SDK2: variants seen among roughly 807,000 people sequenced by gnomAD.
SDK2 encodes the protein protein sidekick-2.
A neutral mutation model predicts 253.9 loss-of-function variants in SDK2; 105 were observed. That is an observed-to-expected ratio of 0.41 (90% CI 0.35 to 0.49). The LOEUF (loss-of-function observed/expected upper bound fraction) is 0.49, where lower values mean the gene tolerates loss of function less well. SDK2 is among the 20% of genes least tolerant of loss of function. SDK2 has a pLI of 0.06. For missense variants in SDK2, 2,608 were observed against 3,003.0 expected (o/e 0.87, Z 3.07); for synonymous variants, 1,249 against 1,234.9 (o/e 1.01, Z -0.24).
At position 73,352,599 on chromosome 17, in the gene SDK2, T is replaced by G. The variant is rs866286253; in HGVS notation, c.5632A>C (p.Lys1878Gln). ...LWDILIKDIP[K>Q]EVSSYTFSMD... ...CTGAACGTGTAGGAGCTCACCTCCT[T>G]GGGGATGTCTTTGATGAGGATGTCC... The change falls in exon 41 of 45, where the codon AAG (lysine) becomes CAG (glutamine). Residue 1878 changes from lysine to glutamine, a missense_variant. Around this residue, in one of 2 missense-constraint regions of SDK2, gnomAD observed 1,103 missense variants for 1,143.9 expected, o/e 0.96. Transcript: ENST00000392650. The surrounding 1 kb of genome is among the most constrained non-coding windows in gnomAD (Gnocchi z 4.1). 1.9e-6 allele frequency: 3 copies of G among 1,613,932 alleles called. No homozygotes were observed. The highest frequency in any genetic ancestry group is 1.3e-5 in the African/African-American group (1 of 75,028).
At chr17:73,537,870 G>A (rs892654359) in intron 1 of SDK2, among the ~76,000 whole-genome samples, 1 of 152,082 alleles carries the variant, frequency 6.6e-6, no homozygotes, top group Admixed American at 6.5e-5. Context: ...AAATGACACC[G>A]CGGGAAAAAT....
chr17:73,408,046 C>CTTTTTTTTT lies in SDK2; in HGVS notation c.2485-5906_2485-5905insAAAAAAAAA, dbSNP rs373774628. 9.0e-4 allele frequency among the ~76,000 whole-genome samples: 46 copies of CTTTTTTTTT among 50,960 alleles called. 4 individuals carry two copies. Among genetic ancestry groups the CTTTTTTTTT allele is most frequent in the East Asian group, 1.7e-3 (5 of 2,976 alleles). The allele number at this position is 50,960 out of a possible 152,430, so 33.4% of individuals were successfully genotyped here. On this transcript the variant is annotated intron_variant, in intron 18 of 44. Transcript: ENST00000392650. ...ACACCATCTAGGAAGTAAAATATTT[C>CTTTTTTTTT]CTTTTTTTTTTTTTTTTTCTTTTGA...
At chr17:73,427,512 C>A (rs1262511937) in intron 12 of SDK2, among the ~76,000 whole-genome samples, 1 of 152,068 alleles carries the variant, frequency 6.6e-6, no homozygotes, top group Non-Finnish European at 1.5e-5. Context: ...TCCTTTACAG[C>A]AAAGATTGCT....
intron 18 of SDK2, 56 bp from the exon 19 acceptor site, chr17:73,402,197 A>C: frequency 6.4e-7 from 1 of 1,556,138 alleles, no homozygotes; most frequent in Non-Finnish European, 8.8e-7. Flanking sequence ...GAGGAGGCCA[A>C]GCCCTCTCCC....
At chr17:73,422,498 C>G in intron 14 of SDK2, 64 bp from the exon 15 acceptor site, 1 of 1,558,972 alleles carries the variant, frequency 6.4e-7, no homozygotes, top group Non-Finnish European at 8.8e-7. Context: ...GCTTCTTACT[C>G]CCCACTCCCA....
intron 1 of SDK2, among the ~76,000 whole-genome samples, chr17:73,571,257 T>A (rs2045382085): frequency 6.6e-6 from 1 of 152,108 alleles, no homozygotes; most frequent in African/African-American, 2.4e-5. Context: ...GTCAAGGCAA[T>A]GAAGAGGCTA....
At chr17:73,370,741 G>A (rs2062727502) in intron 36 of SDK2, among the ~76,000 whole-genome samples, 1 of 151,872 alleles carries the variant, frequency 6.6e-6, no homozygotes, top group South Asian at 2.1e-4. Context: ...TAGAGATGGG[G>A]ATTTCTTTTG....
At chr17:73,407,436 C>A (rs2063088376) in intron 18 of SDK2, among the ~76,000 whole-genome samples, 1 of 152,134 alleles carries the variant, frequency 6.6e-6, no homozygotes, top group African/African-American at 2.4e-5. Flanking sequence ...TGGATTGAAA[C>A]ATGTCAGATT....
At chr17:73,363,103 G>A (rs2145425240) in intron 38 of SDK2, among the ~76,000 whole-genome samples, 1 of 152,222 alleles carries the variant, frequency 6.6e-6, no homozygotes, top group East Asian at 1.9e-4. Flanking sequence ...ATCGTTTTGA[G>A]GTGGATTTTC....
At chr17:73,436,869 C>A (rs1025995343) in intron 8 of SDK2, among the ~76,000 whole-genome samples, 4 of 152,084 alleles carry the variant, frequency 2.6e-5, no homozygotes, top group African/African-American at 9.7e-5. Context: ...ATCTTACAAC[C>A]CATGGCATTT....
intron 37 of SDK2, among the ~76,000 whole-genome samples, chr17:73,368,105 A>C (rs1421341576): frequency 6.6e-6 from 1 of 152,042 alleles, no homozygotes; most frequent in Non-Finnish European, 1.5e-5. Flanking sequence ...AGGGAGCAGA[A>C]GTAGGCTGGC....
At chr17:73,563,416 A>T (rs2145855096) in intron 1 of SDK2, among the ~76,000 whole-genome samples, 1 of 152,270 alleles carries the variant, frequency 6.6e-6, no homozygotes, top group Non-Finnish European at 1.5e-5. Flanking sequence ...TCTACAAAAA[A>T]TAAGATAAAA....
chr17:73,480,245 C>A (rs926920078), intron 2 of SDK2, among the ~76,000 whole-genome samples: 4 of 152,188 alleles, frequency 2.6e-5, no homozygotes, highest in African/African-American at 9.7e-5. Context: ...ACAACATGAA[C>A]CTAACGGGAT....
rs1027827567 is a variant in SDK2, at chr17:73,570,112, C to T, written c.65-62515G>A. On this transcript the variant is annotated intron_variant, in intron 1 of 44. Coordinates refer to ENST00000392650, the MANE Select transcript of SDK2 (RefSeq NM_001144952.2). This position sits in a 1 kb window ranked among gnomAD's most constrained non-coding sequence, Gnocchi z 4.2. ...TGACTCTCCCCAGAGCCCCTCGGGACGGCCCCCCAGAGCCCCTCTTGGGGA... is the reference window on the plus strand; with the variant it reads ...TGACTCTCCCCAGAGCCCCTCGGGATGGCCCCCCAGAGCCCCTCTTGGGGA... 8.6e-5 allele frequency among the ~76,000 whole-genome samples: 13 copies of T among 152,046 alleles called. No homozygotes were observed. The highest frequency in any genetic ancestry group is 1.0e-4 in the Non-Finnish European group (7 of 67,988).
Position 73,383,050 on chromosome 17 carries a change from A to G in SDK2, c.4705+826T>C, listed in dbSNP as rs1358065828. On this transcript the variant is annotated intron_variant, in intron 33 of 44. Coordinates refer to ENST00000392650, the MANE Select transcript of SDK2 (RefSeq NM_001144952.2). The surrounding 1 kb of genome is among the most constrained non-coding windows in gnomAD (Gnocchi z 4.3). ...TCTAAAAAAACCCAAAAAACAAAAA[A>G]ACCTCAAGTCCTGGAGCATCTGCGC... 6.6e-6 allele frequency among the ~76,000 whole-genome samples: 1 copy of G among 152,084 alleles called. No individual in the cohort carries two copies. Among genetic ancestry groups the G allele is most frequent in the African/African-American group, 2.4e-5 (1 of 41,514 alleles).
intron 36 of SDK2, among the ~76,000 whole-genome samples, chr17:73,371,991 T>C (rs2062737988): frequency 6.7e-6 from 1 of 149,050 alleles, no homozygotes; most frequent in Admixed American, 6.7e-5. Flanking sequence ...GGAAAAGGCA[T>C]AAAAAGAGGA....
At chr17:73,408,375 G>A (rs966702886) in intron 18 of SDK2, among the ~76,000 whole-genome samples, 8 of 118,868 alleles carry the variant, frequency 6.7e-5, no homozygotes, top group Non-Finnish European at 1.4e-4. Flanking sequence ...CTGCCACTGC[G>A]CCTGGCTATT....
chr17:73,592,558 A>G (rs1013732548), intron 1 of SDK2, among the ~76,000 whole-genome samples: 17 of 152,190 alleles, frequency 1.1e-4, no homozygotes, highest in African/African-American at 4.1e-4. Context: ...TGGCCTGGTT[A>G]GCTGGCTTCC....
At chr17:73,596,274 C>A (rs1057208305) in intron 1 of SDK2, among the ~76,000 whole-genome samples, 6 of 152,066 alleles carry the variant, frequency 3.9e-5, no homozygotes, top group African/African-American at 1.4e-4. Context: ...GGCAGCCTGG[C>A]ATATGGGGCA....
Sources: gnomAD v4.1 joint callset for allele counts (sites outside exome capture counted in the v4.1 genomes callset) on GRCh38, gnomAD v4.1.1 for gene constraint, gnomAD v4.1.1 regional missense constraint, Gnocchi (gnomAD v3.1) non-coding constraint, MANE v1.5 for transcripts, NCBI Gene and HGNC (gene_info 2026-07-23, HGNC 2026-07-21) for gene names.